CCZ1: variants seen among roughly 807,000 people sequenced by gnomAD.
CCZ1 encodes the protein vacuolar fusion protein CCZ1 homolog.
A neutral mutation model predicts 57.8 loss-of-function variants in CCZ1; 19 were observed. The observed-to-expected ratio is 0.33, with a 90% CI of 0.23 to 0.48. CCZ1 has a LOEUF of 0.48. CCZ1 is among the 20% of genes least tolerant of loss of function. The pLI is 0.99. For synonymous variants in CCZ1, 81 were observed against 167.0 expected (o/e 0.49, Z 3.97); for missense variants, 200 against 492.0 (o/e 0.41, Z 5.61).
intron 8 of CCZ1, among the ~76,000 whole-genome samples, chr7:5,911,298 T>G (rs1432625114): frequency 6.7e-6 from 1 of 148,908 alleles, no homozygotes; most frequent in Non-Finnish European, 1.5e-5. Flanking sequence ...ACTCACTCTC[T>G]TCGCTTGTTC....
chr7:5,912,376 CCT>C (rs1562542823), intron 9 of CCZ1, among the ~76,000 whole-genome samples: 4 of 99,886 alleles, frequency 4.0e-5, no homozygotes, highest in South Asian at 3.7e-4. Context: ...TTCAGCATAC[CCT>C]TTTTTTTTTT....
chr7:5,911,669 C>T (rs1415329652), intron 8 of CCZ1, among the ~76,000 whole-genome samples, 192 bp from the exon 9 acceptor site: 1 of 149,216 alleles, frequency 6.7e-6, no homozygotes, highest in Non-Finnish European at 1.5e-5. Context: ...TTGCTTGAGC[C>T]TAGGAGTTCA....
In CCZ1 at chr7:5,914,882, A is replaced by AG. The variant is rs1491438368; in HGVS notation, c.954+1928_954+1929insG. 9.2e-3 allele frequency among the ~76,000 whole-genome samples: 34 copies of AG among 3,712 alleles called. 3 individuals carry two copies. The highest frequency in any genetic ancestry group is 0.019 in the Non-Finnish European group (29 of 1,522). 2.4% of individuals were successfully genotyped at this position (3,712 alleles called of 152,430 possible). A position where few individuals can be genotyped will look rare whatever the true frequency, so the allele number is the denominator to read the frequency against. ...CAGAGCAAGACTCTGTCTCAGAAAG[A>AG]AAAAAAAAACACGTTCAACATGAAA... On this transcript the variant is annotated intron_variant, in intron 10 of 14. Transcript: ENST00000325974.
At chr7:5,915,454 AT>A (rs1779129641) in intron 10 of CCZ1, among the ~76,000 whole-genome samples, 1 of 137,464 alleles carries the variant, frequency 7.3e-6, no homozygotes, top group Non-Finnish European at 1.6e-5. Context: ...CTGCATTTCT[AT>A]TTTTAGAGTC....
chr7:5,911,392 T>G, intron 8 of CCZ1, among the ~76,000 whole-genome samples: 1 of 148,960 alleles, frequency 6.7e-6, no homozygotes, highest in Non-Finnish European at 1.5e-5. Context: ...GGTCTCAAAC[T>G]CCTGGGCTCA....
rs1329488082 is a variant in CCZ1 at position 5,906,331 on chromosome 7, T to C, written c.698+1062T>C. On this transcript the variant is annotated intron_variant, in intron 7 of 14. Coordinates refer to ENST00000325974, the MANE Select transcript of CCZ1 (RefSeq NM_015622.6). ...GCCCACTTTCTTTCTTTCTTTTTTT[T>C]TTTTTTTTTTGAGACGGAGTCTCAC... is the stretch of plus-strand genomic sequence containing the variant. 2.6e-4 allele frequency among the ~76,000 whole-genome samples: 37 copies of C among 144,494 alleles called. No homozygotes were observed. The Middle Eastern group carries it at 0.01, about 40-fold the overall frequency. 94.8% of individuals were successfully genotyped at this position (144,494 alleles called of 152,430 possible).
At chr7:5,920,396 A>C (rs1414512622) in intron 12 of CCZ1, among the ~76,000 whole-genome samples, 3 of 115,330 alleles carry the variant, frequency 2.6e-5, no homozygotes, top group Non-Finnish European at 5.6e-5. Context: ...AAGTGTCTAC[A>C]CTGAGTGGGA....
chr7:5,922,927 C>T (rs1190568817), intron 12 of CCZ1, among the ~76,000 whole-genome samples: 16 of 150,336 alleles, frequency 1.1e-4, no homozygotes, highest in Admixed American at 3.3e-4. Flanking sequence ...TATGTAGATA[C>T]GTGTTAAAAC....
At chr7:5,904,723 C>T (rs1781763687) in intron 6 of CCZ1, among the ~76,000 whole-genome samples, 1 of 147,288 alleles carries the variant, frequency 6.8e-6, no homozygotes, top group Admixed American at 6.6e-5. Context: ...CCCAGCTGCT[C>T]AGGAGGCTGA....
chr7:5,905,027 A>G, intron 6 of CCZ1, 67 bp from the exon 7 acceptor site: 1 of 1,247,772 alleles, frequency 8.0e-7, no homozygotes. Flanking sequence ...GATTATTTTC[A>G]GTTATCAAGG....
intron 7 of CCZ1, among the ~76,000 whole-genome samples, chr7:5,907,998 C>T (rs892243153): frequency 2.1e-5 from 3 of 141,586 alleles, no homozygotes; most frequent in Admixed American, 1.4e-4. Context: ...ACTACAGAGA[C>T]TACAGAGGTT....
intron 4 of CCZ1, 170 bp downstream of exon 4, chr7:5,901,102 A>T: frequency 2.5e-6 from 1 of 398,194 alleles, no homozygotes. Flanking sequence ...TTTAAAATGT[A>T]TATGCACCCA....
chr7:5,925,771 T>G lies in CCZ1; in HGVS notation c.*84T>G, dbSNP rs1230979716. On this transcript the variant is annotated 3_prime_UTR_variant, in exon 15 of 15. Coordinates refer to ENST00000325974, the MANE Select transcript of CCZ1 (RefSeq NM_015622.6). ...GCAAGTTAGTGGTCATATGACGGAC[T>G]GCATTCAGGACAAGGGTAAAGCAAT... The G allele has an allele frequency of 2.9e-6, 4 of 1,403,142 alleles. No individual in the cohort carries two copies. Among genetic ancestry groups the G allele is most frequent in the Non-Finnish European group, 3.0e-6 (3 of 984,746 alleles). 86.9% of individuals were successfully genotyped at this position (1,403,142 alleles called of 1,614,324 possible). A position where few individuals can be genotyped will look rare whatever the true frequency, so the allele number is the denominator to read the frequency against.
chr7:5,910,372 T>G (rs1781941172), intron 8 of CCZ1: 1 of 363,870 alleles, frequency 2.7e-6, no homozygotes, highest in Non-Finnish European at 4.8e-6. Flanking sequence ...GTGTTTTTGT[T>G]TGTTTGGTTT....
chr7:5,900,748 G>A, intron 3 of CCZ1, 107 bp from the exon 4 acceptor site: 2 of 1,571,040 alleles, frequency 1.3e-6, no homozygotes, highest in Admixed American at 4.2e-5. Flanking sequence ...GCTGTTTTAA[G>A]AAGCTATGTT....
At chr7:5,914,259 C>G (rs1327382366) in intron 10 of CCZ1, among the ~76,000 whole-genome samples, 1 of 146,322 alleles carries the variant, frequency 6.8e-6, no homozygotes, top group African/African-American at 2.5e-5. Context: ...ATAGTAAGAC[C>G]CTGTGTCGAC....
chr7:5,903,823 C>T lies in CCZ1; in HGVS notation c.522+1079C>T, dbSNP rs1183641727. Among the ~76,000 whole-genome samples, 3 of 146,696 alleles carry T rather than the reference C, an allele frequency of 2.0e-5. 1 individual carries two copies. Among genetic ancestry groups the T allele is most frequent in the African/African-American group, 7.7e-5 (3 of 38,758 alleles). On this transcript the variant is annotated intron_variant, in intron 6 of 14. Coordinates refer to ENST00000325974, the MANE Select transcript of CCZ1 (RefSeq NM_015622.6). ...CCTGGCCAACATGGTGAAACCTCATCTCTACTAAAAAATACCAAAAAACTA... is the reference window on the plus strand; with the variant it reads ...CCTGGCCAACATGGTGAAACCTCATTTCTACTAAAAAATACCAAAAAACTA...
At chr7:5,899,385 T>TGTG (rs1314094356) in intron 1 of CCZ1, among the ~76,000 whole-genome samples, 1 of 109,270 alleles carries the variant, frequency 9.2e-6, no homozygotes, top group Non-Finnish European at 1.9e-5. Flanking sequence ...GTGTGTGTGG[T>TGTG]TTTTCTGAGG....
Position 5,902,751 on chromosome 7 carries a change from A to G in CCZ1, c.522+7A>G. On this transcript the variant is annotated splice_region_variant and intron_variant, in intron 6 of 14. Transcript: ENST00000325974. ...AGAGAAATTCTTCCATCGGGTAAGT[A>G]TTTTGAATTTCATTTATAACTTTAG... 3 of 1,589,988 alleles carry G rather than the reference A, an allele frequency of 1.9e-6. No individual in the cohort carries two copies. Among genetic ancestry groups the G allele is most frequent in the Non-Finnish European group, 2.6e-6 (3 of 1,175,356 alleles).
Sources: allele counts gnomAD v4.1 joint callset (sites outside exome capture counted in the v4.1 genomes callset), GRCh38; gene constraint gnomAD v4.1.1; transcripts MANE v1.5; gene names NCBI Gene and HGNC (gene_info 2026-07-23, HGNC 2026-07-21).